Variants in SYNE2 observed in about 807,000 individuals in gnomAD.
SYNE2 encodes the protein nesprin-2.
SYNE2 carries 431 observed loss-of-function variants against 856.3 expected under a neutral mutation model. The observed-to-expected ratio is 0.50, with a 90% CI of 0.47 to 0.55. SYNE2 has a LOEUF of 0.55. SYNE2 is among the 20% of genes least tolerant of loss of function. The pLI, the probability that SYNE2 is intolerant of heterozygous loss-of-function variation, is 0.00. For missense variants in SYNE2, 8,129 were observed against 8,023.2 expected, an observed-to-expected ratio of 1.01 and a Z score of -0.50; for synonymous variants, 2,923 against 2,872.3, an observed-to-expected ratio of 1.02 and a Z score of -0.56.
At chr14:63,968,412 C>T (rs1448852915) in intron 11 of SYNE2, among the ~76,000 whole-genome samples, 2 of 152,032 alleles carry the variant, frequency 1.3e-5, no homozygotes, top group African/African-American at 2.4e-5. Context: ...CTTGGTTTGC[C>T]ACAGTAGATT....
intron 88 of SYNE2, chr14:64,162,956 T>G (rs2098340320): frequency 5.4e-6 from 1 of 186,470 alleles, no homozygotes. Flanking sequence ...ACACAATATT[T>G]CCAGAATAGC....
intron 57 of SYNE2, among the ~76,000 whole-genome samples, chr14:64,083,891 C>A (rs1005684578): frequency 6.6e-6 from 1 of 152,038 alleles, no homozygotes; most frequent in Non-Finnish European, 1.5e-5. Flanking sequence ...CTGAAACATA[C>A]ATTCATAAAA....
intron 1 of SYNE2, among the ~76,000 whole-genome samples, chr14:63,813,973 G>T (rs1473282918): frequency 6.6e-6 from 1 of 151,776 alleles, no homozygotes; most frequent in East Asian, 1.9e-4. Context: ...CAGAAGAATT[G>T]CTTGAACCCA....
intron 1 of SYNE2, among the ~76,000 whole-genome samples, chr14:63,818,043 A>T (rs1171060555): frequency 6.7e-6 from 1 of 149,188 alleles, no homozygotes. Flanking sequence ...AAAAAAAAAA[A>T]AAACAAATAA....
intron 2 of SYNE2, among the ~76,000 whole-genome samples, chr14:63,938,935 TGTGTGTGC>T (rs929492222): frequency 6.6e-6 from 1 of 152,020 alleles, no homozygotes; most frequent in African/African-American, 2.4e-5. Flanking sequence ...TGCATGTGCG[TGTGTGTGC>T]GTGTGTGCAT....
rs951133973 is a variant in SYNE2, at chr14:63,860,210, G to A, written c.-52+7067G>A. Among the ~76,000 whole-genome samples the A allele has an allele frequency of 3.4e-5, 5 of 148,324 alleles. No homozygotes were observed. The South Asian group carries it at 1.0e-3, about 31-fold the overall frequency. The stretch of plus-strand genomic sequence containing the variant: ...CTAAATTATCATAGAGCAGACCATT[G>A]CTGTTATAGAAACATATTTTAGAAT... On this transcript the variant is annotated intron_variant, in intron 1 of 115. Coordinates refer to ENST00000555002, the MANE Select transcript of SYNE2 (RefSeq NM_182914.3).
At chr14:64,016,311 A>G (rs1018544000) in intron 32 of SYNE2, among the ~76,000 whole-genome samples, 162 bp from the exon 33 acceptor site, 10 of 152,160 alleles carry the variant, frequency 6.6e-5, no homozygotes, top group Non-Finnish European at 1.3e-4. Flanking sequence ...TTTTATTGAG[A>G]AAGTGGGACG....
chr14:64,052,925 G>A lies in SYNE2; in HGVS notation c.9012G>A (p.Val3004=), dbSNP rs2153577133. The A allele has an allele frequency of 6.2e-7, 1 of 1,612,930 alleles. No homozygotes were observed. The highest frequency in any genetic ancestry group is 8.5e-7 in the Non-Finnish European group (1 of 1,179,734). ...TACAGGTATTGAAACTTAAAAAAGT[G>A]TTTGACTATATTGGACTAAACTGGG... The part of the protein sequence containing the change: ...CILQVLKLKK[V]FDYIGLNWDF... Residue 3004 remains valine, a synonymous_variant, in exon 48 of 116, where the codon GTG becomes GTA. Transcript: ENST00000555002.
chr14:64,068,650 A>T (rs1317775413), intron 51 of SYNE2, among the ~76,000 whole-genome samples: 1 of 152,062 alleles, frequency 6.6e-6, no homozygotes, highest in Non-Finnish European at 1.5e-5. Flanking sequence ...TCACGAGGTC[A>T]GGAGTTCAAG....
rs1326872224 is a variant in SYNE2 at position 63,998,227 on chromosome 14, A to G, written c.3252A>G (p.Glu1084=). ...DNQPSTEKAM[E]PTMKFSLASV... is the part of the protein sequence containing the mutation. The stretch of plus-strand genomic sequence containing the variant: ...TTTGCATATTCCCTTAGGCAATGGA[A>G]CCCACTATGAAGTTTAGCCTGGCAT... The change falls in exon 26 of 116, where the codon GAA becomes GAG. Residue 1084 remains glutamate (E), a synonymous_variant. Transcript: ENST00000555002. 1 of 1,612,762 alleles carries G rather than the reference A, an allele frequency of 6.2e-7. No homozygotes were observed. The highest frequency in any genetic ancestry group is 8.5e-7 in the Non-Finnish European group (1 of 1,178,900).
rs767980383 is a variant in SYNE2 at position 64,184,329 on chromosome 14, G to GGTGTGTGTGTGTGTGT, written c.17557-2076_17557-2061dup. On this transcript the variant is annotated intron_variant, in intron 96 of 115. Transcript: ENST00000555002. ...CAGAGAGCCACACTGTATGCATAGG[G>GGTGTGTGTGTGTGTGT]GTGTGTGTGTGTGTGTGTGTGTGTG... 9.8e-4 allele frequency among the ~76,000 whole-genome samples: 141 copies of GGTGTGTGTGTGTGTGT among 144,236 alleles called. 1 individual carries two copies. The highest frequency in any genetic ancestry group is 4.8e-3 in the East Asian group (23 of 4,828). 94.6% of individuals were successfully genotyped at this position (144,236 alleles called of 152,430 possible). A position where few individuals can be genotyped will look rare whatever the true frequency, so the allele number is the denominator to read the frequency against.
chr14:64,141,880 T>G (rs1473922898), intron 81 of SYNE2, 62 bp from the exon 82 acceptor site: 1 of 1,587,784 alleles, frequency 6.3e-7, no homozygotes, highest in Non-Finnish European at 8.6e-7. Flanking sequence ...TCATCTTTAG[T>G]GATGCTCTGA....
intron 92 of SYNE2, among the ~76,000 whole-genome samples, chr14:64,168,345 C>T (rs951570834): frequency 6.6e-6 from 1 of 152,134 alleles, no homozygotes; most frequent in Non-Finnish European, 1.5e-5. Context: ...TCAAGTGATC[C>T]GCCTGCCTCG....
chr14:64,122,546 G>T (rs1383597521), intron 70 of SYNE2, 119 bp downstream of exon 70: 1 of 1,338,318 alleles, frequency 7.5e-7, no homozygotes. Context: ...TTTTTTACTT[G>T]GCTGATACAT....
intron 1 of SYNE2, among the ~76,000 whole-genome samples, chr14:63,839,173 T>C (rs577661999): frequency 1.2e-3 from 177 of 151,976 alleles, no homozygotes; most frequent in African/African-American, 4.0e-3. Flanking sequence ...GGGACTACAG[T>C]CATGTGCCAC....
At chr14:64,114,948 A>G (rs777975112) in intron 66 of SYNE2, among the ~76,000 whole-genome samples, 1 of 152,144 alleles carries the variant, frequency 6.6e-6, no homozygotes, top group Non-Finnish European at 1.5e-5. Context: ...GGATAGGTTC[A>G]CTCAGATACT....
intron 41 of SYNE2, 106 bp from the exon 42 acceptor site, chr14:64,026,473 T>G: frequency 1.2e-6 from 1 of 868,098 alleles, no homozygotes; most frequent in Non-Finnish European, 1.9e-6. Flanking sequence ...TGTTGAAATA[T>G]ACCCTACAGA....
At chr14:64,174,868 AAT>A in intron 94 of SYNE2, 74 bp from the exon 95 acceptor site, 1 of 1,389,412 alleles carries the variant, frequency 7.2e-7, no homozygotes, top group Non-Finnish European at 1.0e-6. Context: ...CTCTGAAGGA[AAT>A]ATACACAGGC....
At chr14:64,191,868 C>G (rs772296003) in intron 99 of SYNE2, among the ~76,000 whole-genome samples, 4 of 152,198 alleles carry the variant, frequency 2.6e-5, no homozygotes, top group Non-Finnish European at 5.9e-5. Context: ...CACTTATTCA[C>G]TGTGGAAACT....
Sources: gnomAD v4.1 joint callset for allele counts (sites outside exome capture counted in the v4.1 genomes callset) on GRCh38, gnomAD v4.1.1 for gene constraint, MANE v1.5 for transcripts, NCBI Gene and HGNC (gene_info 2026-07-23, HGNC 2026-07-21) for gene names.